CYRIB: variants seen among roughly 807,000 people sequenced by gnomAD.
CYRIB encodes CYFIP-related Rac1 interactor B.
A neutral mutation model predicts 44.2 loss-of-function variants in CYRIB; 8 were observed. That is an observed-to-expected ratio of 0.18 (90% CI 0.11 to 0.33). CYRIB has a LOEUF of 0.33. Among genes scored for constraint, CYRIB ranks in the 10% least tolerant of loss-of-function variants. CYRIB has a pLI of 1.00. For missense variants in CYRIB, 185 were observed against 382.8 expected, an observed-to-expected ratio of 0.48 and a Z score of 4.31; for synonymous variants, 131 against 127.2, an observed-to-expected ratio of 1.03 and a Z score of -0.20.
chr8:129,900,793 C>T lies in CYRIB; in HGVS notation c.-11+2519G>A, dbSNP rs143116866. Among the ~76,000 whole-genome samples, 111 of 152,280 alleles carry T rather than the reference C, an allele frequency of 7.3e-4. 1 individual carries two copies. In the East Asian group the frequency reaches 0.021, roughly 29 times the overall value. On this transcript the variant is annotated intron_variant, in intron 2 of 11. Coordinates refer to ENST00000519824, the Ensembl canonical transcript of CYRIB. ...CTCCCAGGCTCAAGCGGTTCTCGTGCTTCAGCCTCCTGGGTAGCTGGGATT... is the reference window on the plus strand; with the variant it reads ...CTCCCAGGCTCAAGCGGTTCTCGTGTTTCAGCCTCCTGGGTAGCTGGGATT...
intron 5 of CYRIB, among the ~76,000 whole-genome samples, chr8:129,857,849 T>C (rs1316133300): frequency 2.0e-5 from 3 of 152,164 alleles, no homozygotes; most frequent in African/African-American, 7.2e-5. Flanking sequence ...TTATAGTCTG[T>C]TAAAGAAAAA....
At chr8:129,863,234 T>C (rs2050935822) in intron 4 of CYRIB, among the ~76,000 whole-genome samples, 2 of 152,074 alleles carry the variant, frequency 1.3e-5, no homozygotes, top group Admixed American at 1.3e-4. Context: ...AACTGTGATT[T>C]AAGAATTGTC....
chr8:129,926,643 G>T (rs72718392), intron 1 of CYRIB, among the ~76,000 whole-genome samples: 3 of 152,270 alleles, frequency 2.0e-5, no homozygotes, highest in East Asian at 1.9e-4. Context: ...CAGAATTTGC[G>T]AATTCAACCT....
At chr8:129,872,377 T>C (rs1237928700) in intron 3 of CYRIB, among the ~76,000 whole-genome samples, 1 of 152,160 alleles carries the variant, frequency 6.6e-6, no homozygotes, top group East Asian at 1.9e-4. Flanking sequence ...TTTCACCACC[T>C]GTGGTGTTAG....
chr8:129,947,030 C>T (rs1311385151), intron 2 of CYRIB, among the ~76,000 whole-genome samples: 1 of 151,728 alleles, frequency 6.6e-6, no homozygotes, highest in South Asian at 2.1e-4. Flanking sequence ...TCCTTCACAG[C>T]GCTTATCACA....
chr8:129,933,983 A>C (rs554875457), intron 1 of CYRIB, among the ~76,000 whole-genome samples: 1 of 152,202 alleles, frequency 6.6e-6, no homozygotes, highest in Non-Finnish European at 1.5e-5. Flanking sequence ...GGGTTTTTCC[A>C]ATCAGAAAGG....
At chr8:129,950,189 C>A (rs1410714151) in intron 2 of CYRIB, among the ~76,000 whole-genome samples, 1 of 152,042 alleles carries the variant, frequency 6.6e-6, no homozygotes, top group Admixed American at 6.6e-5. Flanking sequence ...TATTCAAACT[C>A]GCAAAGTTGT....
At chr8:129,932,417 C>T (rs537173566) in intron 1 of CYRIB, among the ~76,000 whole-genome samples, 62 of 152,204 alleles carry the variant, frequency 4.1e-4, no homozygotes, top group Non-Finnish European at 6.8e-4. Context: ...AAAGGGCAGG[C>T]GTGCTTATTG....
chr8:129,910,131 C>T (rs1181772473), intron 1 of CYRIB, among the ~76,000 whole-genome samples: 1 of 152,152 alleles, frequency 6.6e-6, no homozygotes, highest in East Asian at 1.9e-4. Flanking sequence ...GGTTTATGTA[C>T]CAGGCAACTT....
At chr8:129,994,310 A>G (rs1171543063) in intron 1 of CYRIB, among the ~76,000 whole-genome samples, 1 of 152,192 alleles carries the variant, frequency 6.6e-6, no homozygotes, top group Non-Finnish European at 1.5e-5. Flanking sequence ...CACATCCTCA[A>G]GAGGGAACCA....
chr8:129,937,625 T>C (rs1400286337), intron 1 of CYRIB, among the ~76,000 whole-genome samples: 1 of 152,230 alleles, frequency 6.6e-6, no homozygotes, highest in East Asian at 1.9e-4. Context: ...CACTTAGTTT[T>C]ACTCAACATC....
intron 1 of CYRIB, among the ~76,000 whole-genome samples, chr8:130,005,605 A>G (rs936027131): frequency 2.6e-5 from 4 of 152,110 alleles, no homozygotes; most frequent in African/African-American, 9.7e-5. Context: ...TGTGTGAGAT[A>G]CTGACCTCCT....
chr8:129,941,562 C>T (rs187876956), upstream of CYRIB, among the ~76,000 whole-genome samples: 1,004 of 152,200 alleles, frequency 6.6e-3, 8 homozygotes, highest in Non-Finnish European at 9.9e-3. Flanking sequence ...GCGTGAGCCA[C>T]CGCCCCCAGC....
chr8:130,006,482 T>A (rs1042449339), intron 1 of CYRIB, among the ~76,000 whole-genome samples: 14 of 140,138 alleles, frequency 1.0e-4, no homozygotes, highest in South Asian at 8.8e-4. Context: ...TAAAATAAAA[T>A]ATATATATAT....
chr8:129,858,660 G>T (rs891618982), intron 5 of CYRIB, among the ~76,000 whole-genome samples: 1 of 152,312 alleles, frequency 6.6e-6, no homozygotes, highest in East Asian at 1.9e-4. Flanking sequence ...GGCATTTGGG[G>T]CCTTTAAAAT....
intron 2 of CYRIB, among the ~76,000 whole-genome samples, chr8:129,888,199 C>A (rs1411133277): frequency 1.3e-5 from 2 of 152,128 alleles, no homozygotes; most frequent in African/African-American, 4.8e-5. Context: ...AGATCTGGTT[C>A]TTTTAAAGGG....
intron 1 of CYRIB, among the ~76,000 whole-genome samples, chr8:129,983,231 G>A (rs1437833627): frequency 6.6e-6 from 1 of 152,094 alleles, no homozygotes; most frequent in Non-Finnish European, 1.5e-5. Context: ...AGATCACGAG[G>A]TCAGGAGATC....
At chr8:130,015,709 A>T (rs752260997) in intron 1 of CYRIB, among the ~76,000 whole-genome samples, 23 of 152,190 alleles carry the variant, frequency 1.5e-4, no homozygotes, top group African/African-American at 3.9e-4. Context: ...GTGTGTACAC[A>T]GCCCCAGGAA....
At chr8:129,944,509 G>A (rs1421280924), upstream of CYRIB, among the ~76,000 whole-genome samples, 5 of 152,054 alleles carry the variant, frequency 3.3e-5, no homozygotes, top group East Asian at 1.9e-4. Flanking sequence ...TTTGCCGGGC[G>A]CGGTGGCTCA....
Sources: gnomAD v4.1 joint callset for allele counts (sites outside exome capture counted in the v4.1 genomes callset) on GRCh38, gnomAD v4.1.1 for gene constraint, MANE v1.5 for transcripts, NCBI Gene and HGNC (gene_info 2026-07-23, HGNC 2026-07-21) for gene names.